The following BCR variants were observed in gnomAD, a reference collection of about 807,000 sequenced individuals.
BCR encodes the protein BCR activator of RhoGEF and GTPase, also known as breakpoint cluster region protein.
BCR carries 58 observed loss-of-function variants against 138.6 expected under a neutral mutation model. That is an observed-to-expected ratio of 0.42 (90% CI 0.34 to 0.52). The LOEUF (loss-of-function observed/expected upper bound fraction) is 0.52, where lower values mean the gene tolerates loss of function less well. Among genes scored for constraint, BCR ranks in the 20% least tolerant of loss-of-function variants. BCR has a pLI of 0.06. For synonymous variants in BCR, 786 were observed against 730.1 expected (o/e 1.08, Z -1.23); for missense variants, 1,599 against 1,727.2 (o/e 0.93, Z 1.32).
At chr22:23,282,913 A>G (rs1440567625) in intron 8 of BCR, among the ~76,000 whole-genome samples, 7 of 152,076 alleles carry the variant, frequency 4.6e-5, no homozygotes, top group Non-Finnish European at 1.0e-4. Flanking sequence ...GAGGCCTGTG[A>G]ATGTTACCCC....
intron 1 of BCR, among the ~76,000 whole-genome samples, chr22:23,235,640 A>G (rs1037155311): frequency 3.3e-5 from 5 of 152,166 alleles, no homozygotes; most frequent in African/African-American, 1.2e-4. Context: ...GATTTTTTCA[A>G]GGAGGGGTGT....
At chr22:23,278,250 C>T (rs573336772) in intron 8 of BCR, among the ~76,000 whole-genome samples, 1 of 152,332 alleles carries the variant, frequency 6.6e-6, no homozygotes, top group Non-Finnish European at 1.5e-5. Context: ...GCATTGACCT[C>T]CAATACCCGT....
chr22:23,217,556 T>G (rs1023108329), intron 1 of BCR, among the ~76,000 whole-genome samples: 1 of 152,172 alleles, frequency 6.6e-6, no homozygotes, highest in Non-Finnish European at 1.5e-5. Context: ...ACCATACTTA[T>G]GTAGGATTAG....
chr22:23,314,845 C>T, intron 22 of BCR, 131 bp downstream of exon 22: 1 of 1,217,204 alleles, frequency 8.2e-7, no homozygotes, highest in Non-Finnish European at 1.2e-6. Context: ...CAGAGAGGGA[C>T]TTGCCTAGGT....
intron 4 of BCR, among the ~76,000 whole-genome samples, chr22:23,265,262 G>C (rs560740451): frequency 1.9e-3 from 297 of 152,360 alleles, no homozygotes; most frequent in Non-Finnish European, 2.7e-3. Context: ...TGGCGTTGCA[G>C]TGGGAAGTTG....
rs576170670 is a variant in BCR at position 23,290,334 on chromosome 22, C to T, written c.2708-5C>T. The stretch of plus-strand genomic sequence containing the variant: ...AGAAGCTGACCTCTTTGATCTCTTG[C>T]GCAGATGATGAGTCTCCGGGGCTCT... On this transcript the variant is annotated splice_region_variant and splice_polypyrimidine_tract_variant and intron_variant, in intron 13 of 22. Transcript: ENST00000305877. 33 of 1,613,700 alleles carry T rather than the reference C, an allele frequency of 2.0e-5. No individual in the cohort carries two copies. Among genetic ancestry groups the T allele is most frequent in the East Asian group, 1.1e-4 (5 of 44,882 alleles).
At chr22:23,248,076 G>T (rs2073175723) in intron 1 of BCR, among the ~76,000 whole-genome samples, 1 of 152,162 alleles carries the variant, frequency 6.6e-6, no homozygotes, top group African/African-American at 2.4e-5. Context: ...GGGCGCAGTG[G>T]CTCACGCTTG....
chr22:23,262,898 G>A (rs942780312), intron 4 of BCR: 7 of 1,078,544 alleles, frequency 6.5e-6, no homozygotes, highest in African/African-American at 1.7e-5. Flanking sequence ...GGGCTGAGGC[G>A]GGAGCGAGGA....
intron 6 of BCR, among the ~76,000 whole-genome samples, chr22:23,272,149 A>G (rs563305474): frequency 2.2e-4 from 33 of 152,328 alleles, no homozygotes; most frequent in African/African-American, 6.5e-4. Context: ...GTTTTTGCCA[A>G]TGACAAGTTT....
intron 1 of BCR, among the ~76,000 whole-genome samples, chr22:23,200,454 A>G (rs1196577736): frequency 6.6e-6 from 1 of 151,798 alleles, no homozygotes; most frequent in South Asian, 2.1e-4. Flanking sequence ...AGCTGGGACT[A>G]CAGGCATGCA....
At chr22:23,254,548 C>G (rs1465097760) in intron 2 of BCR, 1 of 517,108 alleles carries the variant, frequency 1.9e-6, no homozygotes, top group East Asian at 5.4e-5. Context: ...GCCATGCCCT[C>G]CAAGAAAGCA....
At chr22:23,235,717 C>T (rs1219436505) in intron 1 of BCR, among the ~76,000 whole-genome samples, 1 of 152,220 alleles carries the variant, frequency 6.6e-6, no homozygotes, top group African/African-American at 2.4e-5. Flanking sequence ...CAAACACTTA[C>T]TCCTCACAGT....
rs2073774339 is a variant in BCR, at chr22:23,290,564, G to C, written c.2782+151G>C. On this transcript the variant is annotated intron_variant, in intron 14 of 22. Transcript: ENST00000305877. ...CTGGCCGCTGTGGAGTGTTTGTGCT[G>C]GTTGATGCCTTCTGGGTGTGGAATT... The C allele has an allele frequency of 1.2e-5, 9 of 782,142 alleles. No individual in the cohort carries two copies. In the South Asian group the frequency reaches 1.3e-4, roughly 12 times the overall value. The allele number at this position is 782,142 out of a possible 1,614,324, so 48.5% of individuals were successfully genotyped here.
At chr22:23,315,219 G>A (rs1349298851) in intron 22 of BCR, among the ~76,000 whole-genome samples, 2 of 151,980 alleles carry the variant, frequency 1.3e-5, no homozygotes, top group South Asian at 4.1e-4. Flanking sequence ...GCAAGGCCCT[G>A]TGCATCTCTA....
intron 1 of BCR, among the ~76,000 whole-genome samples, chr22:23,201,616 C>T (rs1433138859): frequency 6.6e-6 from 1 of 152,158 alleles, no homozygotes; most frequent in Middle Eastern, 3.2e-3. Context: ...CACCACCATG[C>T]CCGGCTAATT....
At chr22:23,229,100 T>C (rs545043276) in intron 1 of BCR, among the ~76,000 whole-genome samples, 1 of 152,352 alleles carries the variant, frequency 6.6e-6, no homozygotes, top group South Asian at 2.1e-4. Context: ...TTTCTATTGA[T>C]CTATCTTTAA....
chr22:23,223,215 G>A (rs1319491149), intron 1 of BCR, among the ~76,000 whole-genome samples: 1 of 152,212 alleles, frequency 6.6e-6, no homozygotes, highest in Non-Finnish European at 1.5e-5. Flanking sequence ...GTGACACCTT[G>A]GAGTGGGTGG....
In BCR at chr22:23,181,856, G is replaced by T. The variant is rs1297872960; in HGVS notation, c.896G>T (p.Ser299Ile). 6.2e-7 allele frequency: 1 copy of T among 1,612,644 alleles called. No individual in the cohort carries two copies. The highest frequency in any genetic ancestry group is 1.3e-5 in the African/African-American group (1 of 74,952). ...GAGGGCAAGGGCCCGCTCCTGCGCA[G>T]CCAGAGCACCTCTGAGCAGGAGAAG... ...EGEGKGPLLR[S>I]QSTSEQEKRL... The change falls in exon 1 of 23, where the codon AGC becomes ATC. Residue 299 changes from serine (S) to isoleucine (I), a missense_variant. Transcript: ENST00000305877.
At chr22:23,216,109 C>T (rs1000076365) in intron 1 of BCR, among the ~76,000 whole-genome samples, 3 of 152,152 alleles carry the variant, frequency 2.0e-5, no homozygotes, top group South Asian at 2.1e-4. Flanking sequence ...GAGTTCTTTC[C>T]GCTTTGGTCC....
Sources: gnomAD v4.1 joint callset for allele counts (sites outside exome capture counted in the v4.1 genomes callset) on GRCh38, gnomAD v4.1.1 for gene constraint, MANE v1.5 for transcripts, NCBI Gene and HGNC (gene_info 2026-07-23, HGNC 2026-07-21) for gene names.